Variants in UGT1A7 observed in about 807,000 individuals in gnomAD.
UGT1A7 encodes UDP-glucuronosyltransferase 1A7.
Under a neutral mutation model 45.6 loss-of-function variants are expected in UGT1A7, and 33 were observed. The ratio of observed to expected loss-of-function variants is 0.72; its 90% confidence interval spans 0.55 to 0.97. The LOEUF is 0.97. Ranked by LOEUF, UGT1A7 falls within the 50% of genes least tolerant of loss-of-function variation. The probability of loss-of-function intolerance (pLI) is 0.00; values close to 1 mark genes in which losing one functional copy is unlikely to be tolerated. For synonymous variants in UGT1A7, 274 were observed against 250.6 expected (o/e 1.09, Z -0.88); for missense variants, 684 against 666.2 (o/e 1.03, Z -0.29).
rs1447098381 is a variant in UGT1A7 at position 233,718,854 on chromosome 2, C to G, written c.855+36062C>G. 1.9e-6 allele frequency: 3 copies of G among 1,613,744 alleles called. 1 individual carries two copies. Among genetic ancestry groups the G allele is most frequent in the South Asian group, 2.2e-5 (2 of 91,050 alleles). On this transcript the variant is annotated intron_variant, in intron 1 of 4. Transcript: ENST00000373426. ...AGGACTCCAGGTTCCCCTGCCGCGG[C>G]TGGCCACAGGACTGCTGCTCCTCCT...
intron 1 of UGT1A7, chr2:233,719,222 T>G: frequency 6.2e-7 from 1 of 1,614,238 alleles, no homozygotes; most frequent in Non-Finnish European, 8.5e-7. Context: ...TACTGCATAA[T>G]GAGGCCCTGA....
At chr2:233,708,809 C>G (rs1241028873) in intron 1 of UGT1A7, 1 of 151,950 alleles carries the variant, frequency 6.6e-6, no homozygotes, top group African/African-American at 2.4e-5. Flanking sequence ...GGCAACTTCC[C>G]CAAATTCTTG....
At chr2:233,747,007 G>C (rs1207556963) in intron 1 of UGT1A7, among the ~76,000 whole-genome samples, 1 of 151,856 alleles carries the variant, frequency 6.6e-6, no homozygotes, top group South Asian at 2.1e-4. Context: ...TTTCAAGTAG[G>C]AGTGATCGGT....
intron 1 of UGT1A7, among the ~76,000 whole-genome samples, chr2:233,708,985 C>T (rs560694521): frequency 3.3e-5 from 5 of 152,228 alleles, no homozygotes; most frequent in South Asian, 2.1e-4. Flanking sequence ...TTTCCTCGGC[C>T]GTGGCATCCT....
chr2:233,710,242 G>A (rs2076122123), intron 1 of UGT1A7, among the ~76,000 whole-genome samples: 2 of 152,288 alleles, frequency 1.3e-5, no homozygotes, highest in South Asian at 2.1e-4. Context: ...ATTCGAGTAC[G>A]AGTGTTTCTG....
In UGT1A7 at chr2:233,683,614, C is replaced by T. The variant is rs562687915; in HGVS notation, c.855+822C>T. On this transcript the variant is annotated intron_variant, in intron 1 of 4. Transcript: ENST00000373426. ...GAATCCCTCATTATTTATTCGGATT[C>T]TGTTTTATTTCCATAAATAAAATTT... Among the ~76,000 whole-genome samples, 107 of 152,184 alleles carry T rather than the reference C, an allele frequency of 7.0e-4. 1 individual carries two copies. The highest frequency in any genetic ancestry group is 2.3e-3 in the African/African-American group (97 of 41,542).
At chr2:233,767,966 A>G in intron 3 of UGT1A7, 30 bp downstream of exon 3, 1 of 1,614,232 alleles carries the variant, frequency 6.2e-7, no homozygotes, top group South Asian at 1.1e-5. Flanking sequence ...TGTATAGGTC[A>G]AACCAGGGTC....
chr2:233,693,033 G>A lies in UGT1A7; in HGVS notation c.855+10241G>A, dbSNP rs377223787. ...GCCTGCCTCCTTCGCTCATTTCAGA[G>A]AATTTCTGCAGGGGTTTTCTTCTTA... On this transcript the variant is annotated intron_variant, in intron 1 of 4. Transcript: ENST00000373426. The A allele has an allele frequency of 1.8e-4, 295 of 1,614,054 alleles. No homozygotes were observed. Among genetic ancestry groups the A allele is most frequent in the Non-Finnish European group, 2.4e-4 (283 of 1,180,042 alleles).
intron 1 of UGT1A7, chr2:233,761,263 A>G (rs953290784): frequency 6.9e-6 from 11 of 1,601,374 alleles, no homozygotes; most frequent in Non-Finnish European, 9.4e-6. Flanking sequence ...ATAATTTAAA[A>G]TGCCCTCTTT....
At chr2:233,691,118 T>C in intron 1 of UGT1A7, 1 of 985,858 alleles carries the variant, frequency 1.0e-6, no homozygotes, top group Non-Finnish European at 1.2e-6. Context: ...CATGCTTGCT[T>C]AAGCCATTCT....
intron 1 of UGT1A7, chr2:233,690,985 T>G (rs2125547210): frequency 1.7e-5 from 17 of 995,592 alleles, no homozygotes; most frequent in South Asian, 4.5e-5. Context: ...GACCCACATA[T>G]GAGCAACAGG....
intron 1 of UGT1A7, among the ~76,000 whole-genome samples, chr2:233,727,881 A>G (rs2077662339): frequency 6.6e-6 from 1 of 152,168 alleles, no homozygotes; most frequent in Non-Finnish European, 1.5e-5. Context: ...CTCACCAGCA[A>G]TGGCAGACAC....
intron 1 of UGT1A7, chr2:233,747,617 G>A (rs1693730880): frequency 1.3e-5 from 20 of 1,575,570 alleles, no homozygotes; most frequent in Non-Finnish European, 1.7e-5. Context: ...TGCATAATGA[G>A]GCCCTGATCA....
At chr2:233,729,782 C>T (rs764191993) in intron 1 of UGT1A7, 4 of 1,613,938 alleles carry the variant, frequency 2.5e-6, no homozygotes, top group Non-Finnish European at 2.5e-6. Flanking sequence ...TACCCTCTGG[C>T]CCTGTCCTAC....
At chr2:233,754,319 C>A in intron 1 of UGT1A7, 1 of 236,458 alleles carries the variant, frequency 4.2e-6, no homozygotes, top group Non-Finnish European at 8.4e-6. Flanking sequence ...CATTGTCTGC[C>A]TCAGGCTTAA....
At chr2:233,738,690 T>C (rs1178120168) in intron 1 of UGT1A7, among the ~76,000 whole-genome samples, 2 of 152,174 alleles carry the variant, frequency 1.3e-5, no homozygotes, top group African/African-American at 2.4e-5. Flanking sequence ...TTGGAACTTA[T>C]GTTTAAAAGG....
At chr2:233,693,986 G>A (rs1011287666) in intron 1 of UGT1A7, 45 of 1,542,954 alleles carry the variant, frequency 2.9e-5, no homozygotes, top group Non-Finnish European at 3.8e-5. Flanking sequence ...GTGGGGGGAA[G>A]TGATACCCGG....
chr2:233,734,192 C>T (rs7567468), intron 1 of UGT1A7, among the ~76,000 whole-genome samples: 44,730 of 151,966 alleles, frequency 0.29, 6,702 homozygotes, highest in South Asian at 0.39. Context: ...ATTATTGCCT[C>T]AATTTCAGAG....
chr2:233,758,992 G>A (rs561211595), intron 1 of UGT1A7, among the ~76,000 whole-genome samples: 1 of 152,306 alleles, frequency 6.6e-6, no homozygotes, highest in Non-Finnish European at 1.5e-5. Flanking sequence ...CCAGTGGAAT[G>A]AGTACAATTT....
Sources: allele counts gnomAD v4.1 joint callset (sites outside exome capture counted in the v4.1 genomes callset), GRCh38; gene constraint gnomAD v4.1.1; transcripts MANE v1.5; gene names NCBI Gene and HGNC (gene_info 2026-07-23, HGNC 2026-07-21).